ABLIM1: variants seen among roughly 807,000 people sequenced by gnomAD.
The protein encoded by ABLIM1 is actin-binding LIM protein 1.
A neutral mutation model predicts 107.0 loss-of-function variants in ABLIM1; 40 were observed. That is an observed-to-expected ratio of 0.37 (90% CI 0.29 to 0.49). The LOEUF is 0.49. Ranked by LOEUF, ABLIM1 falls within the 20% of genes least tolerant of loss-of-function variation. ABLIM1 has a pLI of 0.97. For missense variants in ABLIM1, 857 were observed against 1,008.5 expected, an observed-to-expected ratio of 0.85 and a Z score of 2.04; for synonymous variants, 357 against 357.3, an observed-to-expected ratio of 1.00 and a Z score of 0.01.
rs2059295416 is a variant in ABLIM1, at chr10:114,435,607, G to C, written c.*653C>G. The C allele has an allele frequency of 6.6e-6, 1 of 152,158 alleles. No homozygotes were observed. 9.4% of individuals were successfully genotyped at this position (152,158 alleles called of 1,614,324 possible). On this transcript the variant is annotated 3_prime_UTR_variant, in exon 23 of 23. Coordinates refer to ENST00000533213, the MANE Select transcript of ABLIM1 (RefSeq NM_002313.7). The stretch of plus-strand genomic sequence containing the variant: ...TGAACAGTTTTTAAATATACTAATA[G>C]CTAAGTCATTTGCCAGCCAGGTCCC...
At chr10:114,747,778 G>A (rs1364175319) in intron 1 of ABLIM1, among the ~76,000 whole-genome samples, 2 of 152,202 alleles carry the variant, frequency 1.3e-5, no homozygotes, top group Non-Finnish European at 2.9e-5. Flanking sequence ...GATGGCTCAC[G>A]CCTGTAATCC....
At chr10:114,678,875 A>T (rs1032164325) in intron 1 of ABLIM1, among the ~76,000 whole-genome samples, 1 of 152,208 alleles carries the variant, frequency 6.6e-6, no homozygotes, top group Admixed American at 6.5e-5. Flanking sequence ...ATTTTATTTC[A>T]CTGAGTCTCA....
chr10:114,494,504 C>T (rs371970889), intron 6 of ABLIM1, among the ~76,000 whole-genome samples: 16 of 152,278 alleles, frequency 1.1e-4, no homozygotes, highest in African/African-American at 3.4e-4. Context: ...CACTGCACTC[C>T]AGCCTGGGTG....
chr10:114,639,150 T>G (rs1434993902), intron 1 of ABLIM1, among the ~76,000 whole-genome samples: 2 of 152,304 alleles, frequency 1.3e-5, no homozygotes, highest in East Asian at 3.9e-4. Context: ...TTGTCAGTCA[T>G]CATCGGAGGA....
chr10:114,597,466 A>C (rs77369698), intron 2 of ABLIM1, among the ~76,000 whole-genome samples: 4,209 of 151,932 alleles, frequency 0.028, 174 homozygotes, highest in African/African-American at 0.097. Flanking sequence ...AAAGAAATGA[A>C]AGAAGGAAAT....
At chr10:114,622,652 GC>G (rs2077542778) in intron 1 of ABLIM1, among the ~76,000 whole-genome samples, 1 of 152,202 alleles carries the variant, frequency 6.6e-6, no homozygotes. Flanking sequence ...TAGACAGAAT[GC>G]AGTTGACTCT....
chr10:114,787,312 TG>T, the ABLIM1 span, among the ~76,000 whole-genome samples: 2 of 150,130 alleles, frequency 1.3e-5, no homozygotes, highest in Non-Finnish European at 3.0e-5. Context: ...CCGCCCCGTC[TG>T]AGAAGTGAGG....
chr10:114,637,672 CA>C (rs1162357351), intron 1 of ABLIM1, among the ~76,000 whole-genome samples: 1 of 152,126 alleles, frequency 6.6e-6, no homozygotes, highest in African/African-American at 2.4e-5. Flanking sequence ...TCCCTCTAAA[CA>C]AATCACTAAG....
the ABLIM1 span, among the ~76,000 whole-genome samples, chr10:114,798,564 C>T: frequency 2.9e-3 from 431 of 149,196 alleles, 4 homozygotes; most frequent in African/African-American, 1.0e-2. Flanking sequence ...AGACCCCCCC[C>T]CCATGTCTAC....
intron 1 of ABLIM1, among the ~76,000 whole-genome samples, chr10:114,746,496 C>T (rs184101404): frequency 1.3e-5 from 2 of 152,288 alleles, no homozygotes; most frequent in Admixed American, 6.5e-5. Context: ...TTGATGAACA[C>T]TTAGGTTGAT....
chr10:114,670,610 A>G (rs1195890793), intron 1 of ABLIM1, among the ~76,000 whole-genome samples: 1 of 152,136 alleles, frequency 6.6e-6, no homozygotes, highest in Non-Finnish European at 1.5e-5. Context: ...CTCCCACCTC[A>G]GCCTCCCGAG....
chr10:114,542,419 AAAAG>A (rs971551470), intron 6 of ABLIM1, among the ~76,000 whole-genome samples: 6 of 149,726 alleles, frequency 4.0e-5, no homozygotes, highest in South Asian at 4.2e-4. Context: ...CTAAAAAAAA[AAAAG>A]AAAGAAAGAA....
At chr10:114,632,199 G>T in intron 1 of ABLIM1, 1 of 985,370 alleles carries the variant, frequency 1.0e-6, no homozygotes, top group Non-Finnish European at 1.2e-6. Context: ...GAAACCACTC[G>T]CTACAGCTGC....
At chr10:114,795,997 T>C in the ABLIM1 span, among the ~76,000 whole-genome samples, 2 of 152,124 alleles carry the variant, frequency 1.3e-5, no homozygotes, top group Non-Finnish European at 2.9e-5. Context: ...CTCCTGAATT[T>C]ATGGGCATCC....
chr10:114,511,718 T>C (rs1332464263), intron 6 of ABLIM1, among the ~76,000 whole-genome samples: 2 of 150,676 alleles, frequency 1.3e-5, no homozygotes. Flanking sequence ...GTTCCCAGTG[T>C]ATATTTTGGC....
intron 19 of ABLIM1, 104 bp downstream of exon 19, chr10:114,440,913 T>A: frequency 8.8e-7 from 1 of 1,140,728 alleles, no homozygotes; most frequent in Non-Finnish European, 1.3e-6. Context: ...GATCCTACTC[T>A]AAGGATACAA....
chr10:114,549,324 A>C (rs1253516196), intron 4 of ABLIM1, among the ~76,000 whole-genome samples: 4 of 152,190 alleles, frequency 2.6e-5, no homozygotes, highest in Non-Finnish European at 5.9e-5. Context: ...GCAGAGGTGC[A>C]GTGAGCTGAG....
At chr10:114,724,175 T>C (rs2081909066) in intron 1 of ABLIM1, among the ~76,000 whole-genome samples, 1 of 152,226 alleles carries the variant, frequency 6.6e-6, no homozygotes, top group Non-Finnish European at 1.5e-5. Flanking sequence ...ACATTCATTA[T>C]TATTGTGCAA....
At position 114,436,114 on chromosome 10, in the gene ABLIM1, T is replaced by C. The variant is rs1021707673; in HGVS notation, c.*146A>G. The stretch of plus-strand genomic sequence containing the variant: ...GTTGGCTGGCCCGACATTTGACTCA[T>C]GGTGTTTTAACCAGACTTTCTCTTT... On this transcript the variant is annotated 3_prime_UTR_variant, in exon 23 of 23. Coordinates refer to ENST00000533213, the MANE Select transcript of ABLIM1 (RefSeq NM_002313.7). 1.6e-5 allele frequency: 10 copies of C among 622,260 alleles called. No individual in the cohort carries two copies. Among genetic ancestry groups the C allele is most frequent in the Admixed American group, 8.8e-5 (3 of 34,046 alleles). 38.5% of individuals were successfully genotyped at this position (622,260 alleles called of 1,614,324 possible). A position where few individuals can be genotyped will look rare whatever the true frequency, so the allele number is the denominator to read the frequency against.
Sources: gnomAD v4.1 joint callset for allele counts (sites outside exome capture counted in the v4.1 genomes callset) on GRCh38, gnomAD v4.1.1 for gene constraint, MANE v1.5 for transcripts, NCBI Gene and HGNC (gene_info 2026-07-23, HGNC 2026-07-21) for gene names.